The following FGD4 variants were observed in gnomAD, a reference collection of about 807,000 sequenced individuals.
FGD4 encodes FYVE, RhoGEF and PH domain containing 4.
A neutral mutation model predicts 102.0 loss-of-function variants in FGD4; 42 were observed. The observed-to-expected ratio is 0.41, with a 90% confidence interval of 0.32 to 0.53. The LOEUF is 0.53. FGD4 is among the 20% of genes least tolerant of loss of function. FGD4 has a pLI of 0.21. For missense variants in FGD4, 902 were observed against 1,078.2 expected (o/e 0.84, Z 2.29); for synonymous variants, 380 against 375.7 (o/e 1.01, Z -0.13).
chr12:32,622,695 C>T (rs1949916615), intron 11 of FGD4, among the ~76,000 whole-genome samples: 1 of 152,188 alleles, frequency 6.6e-6, no homozygotes, highest in African/African-American at 2.4e-5. Flanking sequence ...CAGGTTCAAG[C>T]AATTCTCCTG....
At chr12:32,471,401 A>G (rs1271517076) in intron 1 of FGD4, among the ~76,000 whole-genome samples, 1 of 152,194 alleles carries the variant, frequency 6.6e-6, no homozygotes, top group Non-Finnish European at 1.5e-5. Flanking sequence ...AACCCTGACT[A>G]ATATGTACTG....
rs553875578 is a variant in FGD4, at chr12:32,509,823, A to G, written c.167-54314A>G. ...AGGTGTGTGACCTGTCAGCCCCACT[A>G]CTCTGCCTGTGTGCCTCACGCTGTT... On this transcript the variant is annotated intron_variant, in intron 1 of 16. Coordinates refer to ENST00000534526, the MANE Select transcript of FGD4 (RefSeq NM_001370298.3). Among the ~76,000 whole-genome samples, 13 of 152,022 alleles carry G rather than the reference A, an allele frequency of 8.6e-5. No homozygotes were observed. The South Asian group carries it at 2.7e-3, about 32-fold the overall frequency.
At chr12:32,442,649 C>T (rs1459495329) in intron 1 of FGD4, among the ~76,000 whole-genome samples, 2 of 150,014 alleles carry the variant, frequency 1.3e-5, no homozygotes, top group Non-Finnish European at 3.0e-5. Flanking sequence ...ACCTCTGCCT[C>T]CCGGGTTCAA....
intron 4 of FGD4, among the ~76,000 whole-genome samples, chr12:32,592,415 T>C (rs1472720188): frequency 6.6e-6 from 1 of 152,106 alleles, no homozygotes; most frequent in Non-Finnish European, 1.5e-5. Context: ...GCTTTTTTTC[T>C]TAGACTTCAG....
At chr12:32,612,241 T>C (rs954596723) in intron 10 of FGD4, among the ~76,000 whole-genome samples, 1 of 152,228 alleles carries the variant, frequency 6.6e-6, no homozygotes, top group Non-Finnish European at 1.5e-5. Context: ...CCGGTGCCCA[T>C]GCTGGTGCCT....
At chr12:32,570,240 CAAAA>C (rs150913094) in intron 2 of FGD4, among the ~76,000 whole-genome samples, 1 of 67,624 alleles carries the variant, frequency 1.5e-5, no homozygotes, top group South Asian at 5.8e-4. Context: ...GACGCTGTCT[CAAAA>C]AAAAAAAAAA....
intron 7 of FGD4, among the ~76,000 whole-genome samples, chr12:32,605,532 G>C (rs1025197241): frequency 1.3e-5 from 2 of 152,094 alleles, no homozygotes; most frequent in Admixed American, 6.6e-5. Context: ...GGTTCCTCTA[G>C]GGTTGCTGTT....
intron 1 of FGD4, among the ~76,000 whole-genome samples, chr12:32,519,717 C>G (rs567014493): frequency 6.6e-6 from 1 of 152,312 alleles, no homozygotes; most frequent in Admixed American, 6.5e-5. Context: ...GCAGGCAGAT[C>G]ACTTGAGGTC....
Position 32,601,353 on chromosome 12 carries a change from A to G in FGD4, c.1177A>G (p.Asn393Asp). Residue 393 changes from asparagine to aspartate, a missense_variant, in exon 6 of 17, where the codon AAT becomes GAT. Asn to Asp is a conservative substitution (Grantham distance 23, BLOSUM62 1). Around this residue, in one of 2 missense-constraint regions of FGD4, gnomAD observed 459 missense variants for 619.0 expected, o/e 0.74. Coordinates refer to ENST00000534526, the MANE Select transcript of FGD4 (RefSeq NM_001370298.3). ...PAEMVNKIFSNISSINAFHSK... is the reference protein window; with the variant it reads ...PAEMVNKIFSDISSINAFHSK... ...AGAGATGGTGAATAAAATCTTTTCT[A>G]ATATTTCATCAATAAATGCCTTCCA... 1 of 1,614,134 alleles carries G rather than the reference A, an allele frequency of 6.2e-7. No individual in the cohort carries two copies. Among genetic ancestry groups the G allele is most frequent in the Non-Finnish European group, 8.5e-7 (1 of 1,180,010 alleles).
intron 4 of FGD4, among the ~76,000 whole-genome samples, chr12:32,585,241 T>C (rs1429848590): frequency 8.6e-6 from 1 of 116,444 alleles, no homozygotes; most frequent in African/African-American, 2.8e-5. Flanking sequence ...TATATATATA[T>C]ATATATATAT....
At chr12:32,534,337 G>T in intron 1 of FGD4, 1 of 1,425,062 alleles carries the variant, frequency 7.0e-7, no homozygotes, top group South Asian at 1.5e-5. Context: ...GCATTGGTCT[G>T]AGCTCCTGGC....
chr12:32,581,178 A>G (rs1173789562), intron 3 of FGD4, among the ~76,000 whole-genome samples: 1 of 152,212 alleles, frequency 6.6e-6, no homozygotes, highest in Non-Finnish European at 1.5e-5. Context: ...CAAAGACCCC[A>G]AGACACATAC....
intron 1 of FGD4, among the ~76,000 whole-genome samples, chr12:32,444,246 A>G (rs1292770180): frequency 6.6e-6 from 1 of 150,418 alleles, no homozygotes; most frequent in Non-Finnish European, 1.5e-5. Flanking sequence ...CTAGTCTTGA[A>G]CTCCTGGGTT....
At chr12:32,467,634 C>A (rs1284904401) in intron 1 of FGD4, among the ~76,000 whole-genome samples, 1 of 152,186 alleles carries the variant, frequency 6.6e-6, no homozygotes, top group Non-Finnish European at 1.5e-5. Context: ...GTGTTTTATA[C>A]ATAGGTGCTT....
chr12:32,403,055 A>C (rs1214350923), intron 1 of FGD4, among the ~76,000 whole-genome samples: 8 of 152,184 alleles, frequency 5.3e-5, no homozygotes, highest in Non-Finnish European at 1.0e-4. Context: ...TTTATATATG[A>C]AAACCACAAA....
intron 1 of FGD4, among the ~76,000 whole-genome samples, chr12:32,514,983 T>A (rs190460002): frequency 6.6e-6 from 1 of 152,110 alleles, no homozygotes; most frequent in Non-Finnish European, 1.5e-5. Context: ...TCCCAAAGTG[T>A]TGAGATTAAA....
At chr12:32,579,048 T>TTTTTTC (rs1946376090) in intron 3 of FGD4, among the ~76,000 whole-genome samples, 1 of 139,608 alleles carries the variant, frequency 7.2e-6, no homozygotes, top group African/African-American at 2.7e-5. Context: ...GGTTTTTTTT[T>TTTTTTC]TTTTTTTTTT....
At position 32,510,732 on chromosome 12, in the gene FGD4, A is replaced by G. The variant is rs138974149; in HGVS notation, c.167-53405A>G. Among the ~76,000 whole-genome samples the G allele has an allele frequency of 7.2e-3, 1,101 of 152,336 alleles. 11 individuals are homozygous for G. Among genetic ancestry groups the G allele is most frequent in the African/African-American group, 0.024 (998 of 41,568 alleles). ...TGTCCTGTTCAAGAACTATTTTCCT[A>G]TCACTGGTGGTATTTAAATATAAAT... is the stretch of plus-strand genomic sequence containing the variant. On this transcript the variant is annotated intron_variant, in intron 1 of 16. Coordinates refer to ENST00000534526, the MANE Select transcript of FGD4 (RefSeq NM_001370298.3).
chr12:32,453,250 TA>T (rs1565749357), intron 1 of FGD4, among the ~76,000 whole-genome samples: 1 of 132,026 alleles, frequency 7.6e-6, no homozygotes, highest in Non-Finnish European at 1.6e-5. Context: ...TTTTTTTTTT[TA>T]AATGTAGAGC....
Sources: allele counts gnomAD v4.1 joint callset (sites outside exome capture counted in the v4.1 genomes callset), GRCh38; gene constraint gnomAD v4.1.1; regional missense constraint gnomAD v4.1.1; transcripts MANE v1.5; gene names NCBI Gene and HGNC (gene_info 2026-07-23, HGNC 2026-07-21).